Variants in XG observed in about 807,000 individuals in gnomAD.
XG encodes the protein Xg glycoprotein (Xg blood group).
Under a neutral mutation model 25.7 loss-of-function variants are expected in XG, and 24 were observed. That is an observed-to-expected ratio of 0.93 (90% CI 0.68 to 1.31). XG has a LOEUF of 1.31. Ranked by LOEUF, XG falls within the 40% of genes most tolerant of loss-of-function variation. XG has a pLI of 0.00. For missense variants in XG, 181 were observed against 187.6 expected (o/e 0.96, Z 0.21); for synonymous variants, 77 against 69.2 (o/e 1.11, Z -0.56).
chrX:2,773,853 AGAAG>A (rs1212527635), intron 2 of XG, among the ~76,000 whole-genome samples: 2 of 150,538 alleles, frequency 1.3e-5, no homozygotes, highest in East Asian at 3.9e-4. Context: ...GAAGGAAGGA[AGAAG>A]GGAGGGCAGG....
chrX:2,789,728 ATT>A, intron 5 of XG, 22 bp downstream of exon 5: 1 of 860,414 alleles, frequency 1.2e-6, no homozygotes, highest in Non-Finnish European at 1.5e-6. Flanking sequence ...TTATTTATTT[ATT>A]TTTATTTTAT....
chrX:2,782,552 G>T (rs1230905663), intron 4 of XG, among the ~76,000 whole-genome samples: 1 of 111,254 alleles, frequency 9.0e-6, no homozygotes, highest in Non-Finnish European at 1.9e-5. Flanking sequence ...GGCTTGGGAA[G>T]TGGGGAGTGC....
chrX:2,777,453 T>G (rs2051023836), intron 3 of XG, among the ~76,000 whole-genome samples: 1 of 151,810 alleles, frequency 6.6e-6, no homozygotes, highest in South Asian at 2.1e-4. Flanking sequence ...ATTAGCCAAG[T>G]GTTGTGGTGA....
intron 4 of XG, among the ~76,000 whole-genome samples, chrX:2,788,817 T>C (rs1381388908): frequency 1.9e-5 from 2 of 106,782 alleles, no homozygotes; most frequent in Non-Finnish European, 3.9e-5. Context: ...ATCACACCAC[T>C]GCACTCCAGC....
chrX:2,783,590 C>T (rs1295794315), intron 4 of XG, among the ~76,000 whole-genome samples: 2 of 112,283 alleles, frequency 1.8e-5, no homozygotes, highest in East Asian at 5.6e-4. Context: ...ATTGCAGACA[C>T]GCACATCCAG....
chrX:2,783,718 G>T (rs1164113709), intron 4 of XG, among the ~76,000 whole-genome samples: 4 of 112,745 alleles, frequency 3.5e-5, no homozygotes, highest in Non-Finnish European at 5.6e-5. Flanking sequence ...CTCACGCCTG[G>T]AATCCCAGCA....
intron 4 of XG, 25 bp downstream of exon 4, chrX:2,782,153 CT>C (rs1569037726): frequency 4.2e-6 from 5 of 1,204,651 alleles, no homozygotes; most frequent in Middle Eastern, 2.3e-4. Flanking sequence ...GCCTGAAACT[CT>C]TTCTCAATCT....
At chrX:2,774,825 A>G (rs1368233753) in intron 3 of XG, 86 bp downstream of exon 3, 2 of 1,539,868 alleles carry the variant, frequency 1.3e-6, no homozygotes, top group African/African-American at 1.4e-5. Context: ...GTTTTACAGA[A>G]CTGTGGGGTA....
rs188023817 is a variant in XG at position 2,780,470 on chromosome X, C to T, written c.128-1596C>T. 9.6e-4 allele frequency among the ~76,000 whole-genome samples: 145 copies of T among 150,522 alleles called. 1 individual carries two copies. The highest frequency in any genetic ancestry group is 3.5e-3 in the African/African-American group (141 of 40,868). ...TTAGGCCAGGCGAGGTGGCTCACAC[C>T]TGTCATCCCGGCACTTTGGGAGGCC... On this transcript the variant is annotated intron_variant, in intron 3 of 10. Transcript: ENST00000644266.
At chrX:2,773,606 G>GGAA (rs2050893216) in intron 2 of XG, among the ~76,000 whole-genome samples, 1 of 42,344 alleles carries the variant, frequency 2.4e-5, no homozygotes, top group African/African-American at 8.6e-5. Context: ...AGAGAAGGAA[G>GGAA]GAAGGAGAGA....
At position 2,811,829 on chromosome X, in the gene XG, C is replaced by G. The variant is rs1448291291; in HGVS notation, c.571+377C>G. On this transcript the variant is annotated intron_variant, in intron 10 of 10. Coordinates refer to ENST00000644266, the MANE Select transcript of XG (RefSeq NM_001141919.2). ...CAGGCTGGTCTTGAACTCCTGACCT[C>G]AAGTGAGCTGCCCGCCTTGGCCTCC... Among the ~76,000 whole-genome samples the G allele has an allele frequency of 9.0e-5, 10 of 111,368 alleles. No individual in the cohort carries two copies. The South Asian group carries it at 3.5e-3, about 39-fold the overall frequency.
At chrX:2,810,242 G>T (rs904701211) in intron 9 of XG, among the ~76,000 whole-genome samples, 2 of 112,098 alleles carry the variant, frequency 1.8e-5, no homozygotes, top group Non-Finnish European at 3.8e-5. Context: ...GCATGGAAAG[G>T]GTGGCTATTT....
intron 7 of XG, among the ~76,000 whole-genome samples, chrX:2,803,546 T>G (rs1174522563): frequency 9.2e-6 from 1 of 109,181 alleles, no homozygotes; most frequent in East Asian, 2.9e-4. Context: ...ATTTGGCGGG[T>G]AGGGGCTTGG....
intron 1 of XG, among the ~76,000 whole-genome samples, chrX:2,759,208 G>A (rs182567686): frequency 6.6e-6 from 1 of 152,298 alleles, no homozygotes; most frequent in African/African-American, 2.4e-5. Context: ...GGTGGGTGGA[G>A]ACAAGGCATG....
chrX:2,765,714 C>G (rs187618318), intron 1 of XG, among the ~76,000 whole-genome samples: 1 of 152,320 alleles, frequency 6.6e-6, no homozygotes, highest in Non-Finnish European at 1.5e-5. Context: ...AGAGGTTTTG[C>G]TGTGGGTCCA....
In XG at chrX:2,774,704, CTT is replaced by C; in HGVS notation, c.104-10_104-9del. ...AATGCATATTGCATTTATTTTCTCT[CTT>C]TGTTCACAGAACCCACCAAGAAGCC... On this transcript the variant is annotated splice_polypyrimidine_tract_variant and intron_variant, in intron 2 of 10. Coordinates refer to ENST00000644266, the MANE Select transcript of XG (RefSeq NM_001141919.2). The C allele has an allele frequency of 1.2e-6, 2 of 1,613,762 alleles. No individual in the cohort carries two copies. The highest frequency in any genetic ancestry group is 2.2e-5 in the South Asian group (2 of 91,054).
At chrX:2,770,020 GGGGT>G (rs1268527873) in intron 1 of XG, among the ~76,000 whole-genome samples, 3 of 117,484 alleles carry the variant, frequency 2.6e-5, no homozygotes, top group East Asian at 2.6e-4. Context: ...CGTGTGTGGA[GGGGT>G]GGGGGGGGCG....
Position 2,787,384 on chromosome X carries a change from G to C in XG, c.191-2260G>C, listed in dbSNP as rs965344980. 6.2e-4 allele frequency among the ~76,000 whole-genome samples: 69 copies of C among 111,421 alleles called. 1 individual carries two copies. Among genetic ancestry groups the C allele is most frequent in the African/African-American group, 2.1e-3 (65 of 30,726 alleles). On this transcript the variant is annotated intron_variant, in intron 4 of 10. Coordinates refer to ENST00000644266, the MANE Select transcript of XG (RefSeq NM_001141919.2). ...AGGAATCAATGCAGTTGGAGGTTCT[G>C]TGTGTGAATGGAGGAGGGAAGCTCA...
intron 1 of XG, among the ~76,000 whole-genome samples, chrX:2,758,721 A>G (rs1169198206): frequency 6.6e-6 from 1 of 152,196 alleles, no homozygotes; most frequent in Non-Finnish European, 1.5e-5. Context: ...ATGCTGGTCA[A>G]CACCCTGCAG....
Sources: allele counts gnomAD v4.1 joint callset (sites outside exome capture counted in the v4.1 genomes callset), GRCh38; gene constraint gnomAD v4.1.1; transcripts MANE v1.5; gene names NCBI Gene and HGNC (gene_info 2026-07-23, HGNC 2026-07-21).